MDGA2: variants seen among roughly 807,000 people sequenced by gnomAD.
MDGA2 encodes MAM domain containing glycosylphosphatidylinositol anchor 2.
In MDGA2, 40 loss-of-function variants were observed where a neutral mutation model predicts 117.8. That is an observed-to-expected ratio of 0.34 (90% CI 0.26 to 0.44). MDGA2 has a LOEUF of 0.44. Ranked by LOEUF, MDGA2 falls within the 20% of genes least tolerant of loss-of-function variation. MDGA2 has a pLI of 1.00. For synonymous variants in MDGA2, 452 were observed against 439.0 expected, an observed-to-expected ratio of 1.03 and a Z score of -0.37; for missense variants, 1,123 against 1,250.6, an observed-to-expected ratio of 0.90 and a Z score of 1.54.
At chr14:47,350,881 G>T (rs1057062183) in intron 1 of MDGA2, among the ~76,000 whole-genome samples, 3 of 152,178 alleles carry the variant, frequency 2.0e-5, no homozygotes, top group African/African-American at 7.2e-5. Flanking sequence ...GTGGTTGCCT[G>T]TGCAGGTGGA....
intron 2 of MDGA2, among the ~76,000 whole-genome samples, chr14:47,248,737 G>C (rs1887335245): frequency 6.6e-6 from 1 of 151,928 alleles, no homozygotes; most frequent in Non-Finnish European, 1.5e-5. Context: ...AAAACAGTTT[G>C]CTTAAAAGCA....
At chr14:46,908,268 C>T (rs1883573529) in intron 10 of MDGA2, among the ~76,000 whole-genome samples, 1 of 152,104 alleles carries the variant, frequency 6.6e-6, no homozygotes, top group Non-Finnish European at 1.5e-5. Context: ...AGCTCTAGCT[C>T]TTTATTTCCT....
chr14:47,193,059 CTTAAG>C (rs1446076658), intron 3 of MDGA2, among the ~76,000 whole-genome samples: 2 of 125,364 alleles, frequency 1.6e-5, no homozygotes, highest in South Asian at 2.1e-4. Context: ...CCTTTTTATT[CTTAAG>C]TTATTTGGTG....
At chr14:47,641,169 C>G (rs769627666) in intron 1 of MDGA2, among the ~76,000 whole-genome samples, 2 of 152,080 alleles carry the variant, frequency 1.3e-5, no homozygotes, top group Non-Finnish European at 2.9e-5. Context: ...TTAAGTATGT[C>G]TCAACTTGTT....
chr14:47,527,255 T>C (rs939200967), intron 1 of MDGA2, among the ~76,000 whole-genome samples: 1 of 152,190 alleles, frequency 6.6e-6, no homozygotes, highest in Non-Finnish European at 1.5e-5. Flanking sequence ...ACATTCATTG[T>C]AAAATAAATC....
chr14:47,516,880 C>T (rs190078547), intron 1 of MDGA2, among the ~76,000 whole-genome samples: 1 of 152,230 alleles, frequency 6.6e-6, no homozygotes, highest in Non-Finnish European at 1.5e-5. Flanking sequence ...TGAAAGACTT[C>T]TAATTCAAGG....
rs10152011 is a variant in MDGA2, at chr14:46,924,334, T to C, written c.2090-4174A>G. Among the ~76,000 whole-genome samples, 72 of 152,144 alleles carry C rather than the reference T, an allele frequency of 4.7e-4. 2 individuals are homozygous for C. In the South Asian group the frequency reaches 8.7e-3, roughly 18 times the overall value. On this transcript the variant is annotated intron_variant, in intron 9 of 16. Coordinates refer to ENST00000399232, the MANE Select transcript of MDGA2 (RefSeq NM_001113498.3). ...AGTTCAAACATAAATTAAAAACAATTATTATTCCCACTATGAACACTTAAA... is the reference window on the plus strand; with the variant it reads ...AGTTCAAACATAAATTAAAAACAATCATTATTCCCACTATGAACACTTAAA...
chr14:47,461,364 A>G (rs1893483518), intron 1 of MDGA2, among the ~76,000 whole-genome samples: 1 of 151,840 alleles, frequency 6.6e-6, no homozygotes, highest in Admixed American at 6.6e-5. Context: ...CAGGAAGAAC[A>G]TTTGGTCAAA....
chr14:47,216,042 T>A (rs529386107), intron 3 of MDGA2, among the ~76,000 whole-genome samples: 1 of 152,220 alleles, frequency 6.6e-6, no homozygotes, highest in East Asian at 1.9e-4. Context: ...AACAGTGCTA[T>A]TATTTCCAGT....
At chr14:47,610,946 C>T (rs1052953829) in intron 1 of MDGA2, among the ~76,000 whole-genome samples, 4 of 152,088 alleles carry the variant, frequency 2.6e-5, no homozygotes, top group African/African-American at 9.7e-5. Flanking sequence ...ATCACACTAC[C>T]TGATTTCAAA....
intron 4 of MDGA2, among the ~76,000 whole-genome samples, chr14:47,134,962 C>T (rs1765832668): frequency 1.3e-5 from 2 of 151,920 alleles, no homozygotes; most frequent in Non-Finnish European, 2.9e-5. Context: ...AGTCTCTTTA[C>T]TCACATAGAG....
intron 1 of MDGA2, among the ~76,000 whole-genome samples, chr14:47,477,272 T>C (rs1893863567): frequency 6.6e-6 from 1 of 152,192 alleles, no homozygotes; most frequent in Admixed American, 6.6e-5. Flanking sequence ...ATTCAATAAA[T>C]ACATTTTTTT....
chr14:46,885,006 C>G (rs1379076786), intron 10 of MDGA2, among the ~76,000 whole-genome samples: 2 of 151,946 alleles, frequency 1.3e-5, no homozygotes, highest in Non-Finnish European at 2.9e-5. Context: ...ACAACCACGC[C>G]TGGCTAATTT....
chr14:47,363,589 A>G (rs951898291), intron 1 of MDGA2, among the ~76,000 whole-genome samples: 8 of 152,114 alleles, frequency 5.3e-5, no homozygotes, highest in Non-Finnish European at 1.2e-4. Context: ...CCAAATACTG[A>G]CACAAATTTC....
chr14:47,502,210 T>C lies in MDGA2; in HGVS notation c.280+172307A>G, dbSNP rs973248864. ...AAGCATCCAGGAATGTTTGTAATTA[T>C]ATAATATATATTAAAAAGTATCCCT... On this transcript the variant is annotated intron_variant, in intron 1 of 16. Transcript: ENST00000399232. Among the ~76,000 whole-genome samples, 7 of 152,262 alleles carry C rather than the reference T, an allele frequency of 4.6e-5. No individual in the cohort carries two copies. The South Asian group carries it at 8.3e-4, about 18-fold the overall frequency.
intron 3 of MDGA2, among the ~76,000 whole-genome samples, chr14:47,163,943 C>A (rs770679211): frequency 6.6e-6 from 1 of 152,204 alleles, no homozygotes; most frequent in Non-Finnish European, 1.5e-5. Flanking sequence ...GCAGCCATGT[C>A]CTCACTGGCT....
chr14:47,573,153 T>C (rs1456450782), intron 1 of MDGA2, among the ~76,000 whole-genome samples: 2 of 152,146 alleles, frequency 1.3e-5, no homozygotes, highest in African/African-American at 2.4e-5. Flanking sequence ...AGGAATTTGC[T>C]TCTCCGACTC....
chr14:47,451,820 C>T (rs953650542), intron 1 of MDGA2, among the ~76,000 whole-genome samples: 21 of 152,058 alleles, frequency 1.4e-4, no homozygotes, highest in African/African-American at 5.1e-4. Flanking sequence ...TTTCCCCACA[C>T]TGACACAAAT....
At chr14:46,873,797 T>C in intron 13 of MDGA2, 1 of 576,498 alleles carries the variant, frequency 1.7e-6, no homozygotes, top group African/African-American at 1.9e-5. Flanking sequence ...AGATAAAATG[T>C]ATAAAAAGTT....
Sources: allele counts gnomAD v4.1 joint callset (sites outside exome capture counted in the v4.1 genomes callset), GRCh38; gene constraint gnomAD v4.1.1; transcripts MANE v1.5; gene names NCBI Gene and HGNC (gene_info 2026-07-23, HGNC 2026-07-21).